Variants in NIPSNAP2 observed in about 807,000 individuals in gnomAD.
NIPSNAP2 encodes the protein nipsnap homolog 2, also known as protein NipSnap homolog 2.
Under a neutral mutation model 48.4 loss-of-function variants are expected in NIPSNAP2, and 42 were observed. The ratio of observed to expected loss-of-function variants is 0.87; its 90% confidence interval spans 0.68 to 1.12. NIPSNAP2 has a LOEUF of 1.12. Among genes scored for constraint, NIPSNAP2 ranks in the 50% most tolerant of loss-of-function variants. NIPSNAP2 has a pLI of 0.00. For synonymous variants in NIPSNAP2, 158 were observed against 126.6 expected, an observed-to-expected ratio of 1.25 and a Z score of -1.67; for missense variants, 314 against 347.3, an observed-to-expected ratio of 0.90 and a Z score of 0.76.
chr7:55,984,913 T>C, intron 7 of NIPSNAP2, 35 bp downstream of exon 7: 1 of 1,553,470 alleles, frequency 6.4e-7, no homozygotes, highest in Non-Finnish European at 8.8e-7. Context: ...TTTTTAAGTC[T>C]TGTGAATAGA....
At chr7:55,995,493 T>C (rs1385145792) in intron 8 of NIPSNAP2, among the ~76,000 whole-genome samples, 1 of 152,194 alleles carries the variant, frequency 6.6e-6, no homozygotes, top group Non-Finnish European at 1.5e-5. Flanking sequence ...CTGCCCCAGA[T>C]GTCACCCTTC....
At chr7:55,965,616 C>T (rs915317443) in intron 1 of NIPSNAP2, among the ~76,000 whole-genome samples, 2 of 151,920 alleles carry the variant, frequency 1.3e-5, no homozygotes, top group Non-Finnish European at 2.9e-5. Context: ...GTTTTGCTCT[C>T]GTTGCCCCGG....
chr7:55,981,875 A>C, intron 4 of NIPSNAP2: 5 of 345,946 alleles, frequency 1.4e-5, no homozygotes, highest in Non-Finnish European at 2.1e-5. Flanking sequence ...ATGAGTATCT[A>C]GGCTCACTGC....
chr7:55,987,026 G>T (rs1170305857), intron 7 of NIPSNAP2, among the ~76,000 whole-genome samples: 1 of 150,606 alleles, frequency 6.6e-6, no homozygotes, highest in Non-Finnish European at 1.5e-5. Flanking sequence ...CAGGCGTGGT[G>T]GTGGCACATG....
intron 6 of NIPSNAP2, among the ~76,000 whole-genome samples, chr7:55,984,571 T>C (rs1787287560): frequency 6.6e-6 from 1 of 151,854 alleles, no homozygotes; most frequent in South Asian, 2.1e-4. Context: ...TATAAAAAAT[T>C]AGCCAGGCAT....
At chr7:55,980,898 G>C (rs1787200472) in intron 3 of NIPSNAP2, 1 of 152,300 alleles carries the variant, frequency 6.6e-6, no homozygotes, top group Admixed American at 6.5e-5. Flanking sequence ...CCCTTGGGGA[G>C]TATTGGAGGT....
chr7:55,967,806 C>T (rs1315529776), intron 1 of NIPSNAP2, among the ~76,000 whole-genome samples: 5 of 151,854 alleles, frequency 3.3e-5, no homozygotes, highest in African/African-American at 7.2e-5. Flanking sequence ...TGCACCACCA[C>T]GCCTGGATAA....
rs571494865 is a variant in NIPSNAP2, at chr7:55,979,986, G to A, written c.279-1487G>A. 3.6e-5 allele frequency: 14 copies of A among 390,432 alleles called. 1 individual carries two copies. Among genetic ancestry groups the A allele is most frequent in the South Asian group, 1.9e-4 (10 of 53,914 alleles). The allele number at this position is 390,432 out of a possible 1,614,324, so 24.2% of individuals were successfully genotyped here. A position where few individuals can be genotyped will look rare whatever the true frequency, so the allele number is the denominator to read the frequency against. On this transcript the variant is annotated intron_variant, in intron 3 of 9. Transcript: ENST00000322090. ...TGTGTTGGTGAAAAACCTGGGCCCC[G>A]TTGCCAGGCCCCTTTCTGGACCCCA...
intron 1 of NIPSNAP2, among the ~76,000 whole-genome samples, chr7:55,968,272 A>G (rs1359721663): frequency 5.3e-5 from 8 of 152,080 alleles, no homozygotes; most frequent in Non-Finnish European, 2.9e-5. Flanking sequence ...GATATGATGG[A>G]ATAATTGTTT....
At chr7:55,984,594 C>G (rs539001799) in intron 6 of NIPSNAP2, among the ~76,000 whole-genome samples, 1 of 151,778 alleles carries the variant, frequency 6.6e-6, no homozygotes, top group East Asian at 1.9e-4. Flanking sequence ...TGGCGGGCGC[C>G]GGTAATCCCA....
rs142938125 is a variant in NIPSNAP2 at position 55,971,071 on chromosome 7, T to C, written c.92+6370T>C. On this transcript the variant is annotated intron_variant, in intron 1 of 9. Coordinates refer to ENST00000322090, the MANE Select transcript of NIPSNAP2 (RefSeq NM_001483.3). ...TTGATTTCAAGTCTAGTGTTTTGTA[T>C]AGTGCACCCTTCCTTATCCTCTGGA... Among the ~76,000 whole-genome samples, 48 of 152,308 alleles carry C rather than the reference T, an allele frequency of 3.2e-4. 2 individuals are homozygous for C. Among genetic ancestry groups the C allele is most frequent in the African/African-American group, 1.1e-3 (46 of 41,580 alleles).
chr7:55,995,573 G>A (rs956358254), intron 8 of NIPSNAP2, among the ~76,000 whole-genome samples: 13 of 152,142 alleles, frequency 8.5e-5, no homozygotes, highest in African/African-American at 2.4e-4. Flanking sequence ...TTACCGTTGC[G>A]GCTGTATATG....
rs144817717 is a variant in NIPSNAP2 at position 55,976,743 on chromosome 7, C to T, written c.93-1383C>T. Among the ~76,000 whole-genome samples the T allele has an allele frequency of 2.6e-3, 398 of 152,108 alleles. 2 individuals are homozygous for T. The highest frequency in any genetic ancestry group is 8.4e-3 in the African/African-American group (349 of 41,490). On this transcript the variant is annotated intron_variant, in intron 1 of 9. Coordinates refer to ENST00000322090, the MANE Select transcript of NIPSNAP2 (RefSeq NM_001483.3). ...TCTACAAAAAATTTAAAAAAATTAACCATGCAAGATGACGTATGCCTCTAG... is the reference window on the plus strand; with the variant it reads ...TCTACAAAAAATTTAAAAAAATTAATCATGCAAGATGACGTATGCCTCTAG...
intron 1 of NIPSNAP2, among the ~76,000 whole-genome samples, chr7:55,966,004 G>A (rs1786885734): frequency 6.6e-6 from 1 of 152,186 alleles, no homozygotes; most frequent in Admixed American, 6.5e-5. Context: ...CAAAATGTGA[G>A]TGCCTACCAC....
At chr7:55,974,302 CAT>C (rs933756844) in intron 1 of NIPSNAP2, among the ~76,000 whole-genome samples, 32 of 151,402 alleles carry the variant, frequency 2.1e-4, no homozygotes, top group African/African-American at 7.3e-4. Context: ...CTGCCAGTAT[CAT>C]GTGAAATTTA....
chr7:55,979,801 G>T, intron 3 of NIPSNAP2: 2 of 456,602 alleles, frequency 4.4e-6, no homozygotes, highest in South Asian at 3.1e-5. Flanking sequence ...ACTCCTGCCT[G>T]GTTTTTAGGG....
intron 9 of NIPSNAP2, 70 bp from the exon 10 acceptor site, chr7:55,998,938 G>C (rs1255044406): frequency 8.1e-7 from 1 of 1,239,196 alleles, no homozygotes; most frequent in Non-Finnish European, 1.2e-6. Context: ...TCGGCAATCT[G>C]TCTGTTAGTG....
At chr7:55,997,580 A>G (rs1378372732) in intron 9 of NIPSNAP2, 131 bp downstream of exon 9, 4 of 635,756 alleles carry the variant, frequency 6.3e-6, no homozygotes, top group Non-Finnish European at 1.1e-5. Flanking sequence ...TTGTGGGGGG[A>G]AGGGAGATAG....
intron 7 of NIPSNAP2, among the ~76,000 whole-genome samples, chr7:55,987,704 A>AT (rs1362589075): frequency 6.6e-6 from 1 of 152,206 alleles, no homozygotes; most frequent in Non-Finnish European, 1.5e-5. Flanking sequence ...GCTAAGTGAA[A>AT]TAAGAGGACA....
Sources: allele counts gnomAD v4.1 joint callset (sites outside exome capture counted in the v4.1 genomes callset), GRCh38; gene constraint gnomAD v4.1.1; transcripts MANE v1.5; gene names NCBI Gene and HGNC (gene_info 2026-07-23, HGNC 2026-07-21).